Variants in AMPD1 observed in about 807,000 individuals in gnomAD.
AMPD1 encodes AMP deaminase 1.
A neutral mutation model predicts 82.9 loss-of-function variants in AMPD1; 74 were observed. That is an observed-to-expected ratio of 0.89 (90% CI 0.74 to 1.08). AMPD1 has a LOEUF of 1.08. Ranked by LOEUF, AMPD1 falls within the 50% of genes least tolerant of loss-of-function variation. AMPD1 has a pLI of 0.00. For missense variants in AMPD1, 881 were observed against 924.5 expected (o/e 0.95, Z 0.61); for synonymous variants, 333 against 320.5 (o/e 1.04, Z -0.42).
At position 114,689,404 on chromosome 1, in the gene AMPD1, G is replaced by T. The variant is rs147167156; in HGVS notation, c.35-663C>A. 6.9e-3 allele frequency among the ~76,000 whole-genome samples: 1,054 copies of T among 152,262 alleles called. 3 individuals carry two copies. The highest frequency in any genetic ancestry group is 0.011 in the Non-Finnish European group (748 of 68,028). ...TCTTGTGGACATAGGCCTCAATAAT[G>T]AATGAACCTTGGAAGGCCAATTTTA... On this transcript the variant is annotated intron_variant, in intron 2 of 15. Transcript: ENST00000520113.
intron 4 of AMPD1, 71 bp from the exon 5 acceptor site, chr1:114,684,435 C>G: frequency 6.6e-7 from 1 of 1,508,530 alleles, no homozygotes; most frequent in Non-Finnish European, 9.1e-7. Flanking sequence ...TAAAGCTTAT[C>G]CTTGGCACCT....
intron 1 of AMPD1, 39 bp downstream of exon 1, chr1:114,695,407 AAAAC>A (rs779446551): frequency 6.4e-5 from 103 of 1,604,208 alleles, no homozygotes; most frequent in Middle Eastern, 5.0e-4. Context: ...AAAAAAAAAA[AAAAC>A]AACAACAACT....
chr1:114,679,746 A>G (rs373551240), intron 6 of AMPD1, 38 bp from the exon 7 acceptor site: 11 of 1,611,694 alleles, frequency 6.8e-6, no homozygotes, highest in African/African-American at 6.7e-5. Flanking sequence ...AAAAAGTTTC[A>G]GGCATTCAAG....
chr1:114,679,868 C>G (rs1252446162), intron 6 of AMPD1, among the ~76,000 whole-genome samples, 160 bp from the exon 7 acceptor site: 1 of 152,146 alleles, frequency 6.6e-6, no homozygotes, highest in African/African-American at 2.4e-5. Context: ...AAGTAGTGGG[C>G]TCCAAAGGCT....
intron 6 of AMPD1, 72 bp downstream of exon 6, chr1:114,680,187 A>G: frequency 7.7e-7 from 1 of 1,292,336 alleles, no homozygotes; most frequent in East Asian, 2.3e-5. Flanking sequence ...CACTATCAGT[A>G]GAAGTAGTAC....
intron 11 of AMPD1, 79 bp from the exon 12 acceptor site, chr1:114,675,772 A>C (rs1231797111): frequency 6.2e-6 from 10 of 1,613,226 alleles, no homozygotes; most frequent in Non-Finnish European, 8.5e-6. Context: ...TCAGGTCCAA[A>C]GGCACAGACC....
At chr1:114,684,978 A>G (rs1658267262) in intron 4 of AMPD1, among the ~76,000 whole-genome samples, 1 of 152,176 alleles carries the variant, frequency 6.6e-6, no homozygotes, top group Admixed American at 6.5e-5. Context: ...GCTTTATTAG[A>G]GCTGCTGGAA....
rs768591401 is a variant in AMPD1, at chr1:114,688,578, G to C, written c.198C>G (p.Thr66=). The C allele has an allele frequency of 6.2e-7, 1 of 1,614,176 alleles. No homozygotes were observed. The highest frequency in any genetic ancestry group is 1.1e-5 in the South Asian group (1 of 91,086). The stretch of plus-strand genomic sequence containing the variant: ...CCACTTACCTCCTGGCTTCTGTGGA[G>C]GTGGACAGAGTCTCCAGATGGAATA... ...AHIFHLETLS[T]STEARRKKRF... is the part of the protein sequence containing the mutation. The change falls in exon 3 of 16, where the codon ACC becomes ACG. Residue 66 remains threonine (T), a synonymous_variant. Coordinates refer to ENST00000520113, the MANE Select transcript of AMPD1 (RefSeq NM_000036.3).
intron 5 of AMPD1, among the ~76,000 whole-genome samples, chr1:114,683,686 G>A (rs992197978): frequency 6.6e-6 from 1 of 152,132 alleles, no homozygotes; most frequent in Non-Finnish European, 1.5e-5. Flanking sequence ...GCAGTGAGCC[G>A]AGAGGGTGCC....
At chr1:114,686,546 A>G (rs1658322050) in intron 4 of AMPD1, among the ~76,000 whole-genome samples, 199 bp downstream of exon 4, 1 of 152,232 alleles carries the variant, frequency 6.6e-6, no homozygotes, top group South Asian at 2.1e-4. Context: ...GAGATAGAGG[A>G]TAAATTATGT....
intron 5 of AMPD1, among the ~76,000 whole-genome samples, chr1:114,683,798 G>A (rs1321338041): frequency 6.6e-6 from 1 of 152,166 alleles, no homozygotes; most frequent in East Asian, 1.9e-4. Flanking sequence ...CCAGGCTAAA[G>A]ACTGGACTTT....
Position 114,693,442 on chromosome 1 carries a change from C to T in AMPD1, c.28G>A (p.Glu10Lys). Residue 10 changes from glutamate (E) to lysine (K), a missense_variant, in exon 2 of 16, where the codon GAG (glutamate) becomes AAG (lysine). Around this residue, in one of 2 missense-constraint regions of AMPD1, gnomAD observed 783 missense variants for 786.4 expected, o/e 1.00. Transcript: ENST00000520113. ...AAAGTAATGCAATACTCACGTTTCT[C>T]TTCAGCTGTATGAAGTAAAATAAAA... MPLFKLPAE[E>K]KQIDDAMRNF... is the part of the protein sequence containing the mutation. 3.7e-6 allele frequency: 6 copies of T among 1,609,480 alleles called. No individual in the cohort carries two copies. Among genetic ancestry groups the T allele is most frequent in the Non-Finnish European group, 3.4e-6 (4 of 1,176,160 alleles).
intron 3 of AMPD1, among the ~76,000 whole-genome samples, 188 bp downstream of exon 3, chr1:114,688,373 C>A (rs113403886): frequency 6.6e-6 from 1 of 152,174 alleles, no homozygotes; most frequent in African/African-American, 2.4e-5. Flanking sequence ...AGTGATCCAC[C>A]CACCTCGGCC....
Position 114,695,446 on chromosome 1 carries a change from C to T in AMPD1, c.22+4G>A. The T allele has an allele frequency of 1.9e-6, 3 of 1,613,066 alleles. No homozygotes were observed. Among genetic ancestry groups the T allele is most frequent in the Non-Finnish European group, 2.5e-6 (3 of 1,179,876 alleles). ...TGAGCTCTCCAAACACTTTGTACAC[C>T]TACCTGGGAGTTTGAACAGAGGCAT... On this transcript the variant is annotated splice_donor_region_variant and intron_variant, in intron 1 of 15. Transcript: ENST00000520113.
At chr1:114,695,104 A>G (rs1001089733) in intron 1 of AMPD1, among the ~76,000 whole-genome samples, 1 of 152,198 alleles carries the variant, frequency 6.6e-6, no homozygotes, top group Non-Finnish European at 1.5e-5. Context: ...ATTTTCAGCC[A>G]ATACCATAGC....
chr1:114,693,924 G>A lies in AMPD1; in HGVS notation c.23-477C>T, dbSNP rs139297362. On this transcript the variant is annotated intron_variant, in intron 1 of 15. Transcript: ENST00000520113. Reference sequence around the variant, plus strand: ...TACTTAAAAAAACCATAAAGAGGCCGGGTGCAGTGGCTCACGCCTATAATC... The same window carrying A: ...TACTTAAAAAAACCATAAAGAGGCCAGGTGCAGTGGCTCACGCCTATAATC... Among the ~76,000 whole-genome samples the A allele has an allele frequency of 3.0e-3, 462 of 152,266 alleles. 3 individuals are homozygous for A. The highest frequency in any genetic ancestry group is 0.01 in the African/African-American group (431 of 41,540).
At chr1:114,679,221 T>C (rs931182486) in intron 7 of AMPD1, among the ~76,000 whole-genome samples, 1 of 152,212 alleles carries the variant, frequency 6.6e-6, no homozygotes, top group African/African-American at 2.4e-5. Context: ...AATGAAAATA[T>C]GTCATCCCTT....
At chr1:114,681,804 TATA>T (rs1293814529) in intron 5 of AMPD1, among the ~76,000 whole-genome samples, 4 of 152,162 alleles carry the variant, frequency 2.6e-5, no homozygotes, top group African/African-American at 9.7e-5. Context: ...TTGGCAAATG[TATA>T]ATGACATGTA....
At chr1:114,673,410 C>A in intron 15 of AMPD1, 138 bp from the exon 16 acceptor site, 2 of 1,056,102 alleles carry the variant, frequency 1.9e-6, no homozygotes, top group East Asian at 2.5e-5. Flanking sequence ...TTAAAAGCAC[C>A]CATCTAGTGC....
Sources: gnomAD v4.1 joint callset for allele counts (sites outside exome capture counted in the v4.1 genomes callset) on GRCh38, gnomAD v4.1.1 for gene constraint, gnomAD v4.1.1 regional missense constraint, MANE v1.5 for transcripts, NCBI Gene and HGNC (gene_info 2026-07-23, HGNC 2026-07-21) for gene names.